Variants in KCNH5 observed in about 807,000 individuals in gnomAD.
KCNH5 encodes the protein potassium voltage-gated channel subfamily H member 5.
KCNH5 carries 46 observed loss-of-function variants against 96.1 expected under a neutral mutation model. The observed-to-expected ratio is 0.48, with a 90% CI of 0.38 to 0.61. The LOEUF is 0.61. Among genes scored for constraint, KCNH5 ranks in the 20% least tolerant of loss-of-function variants. KCNH5 has a pLI of 0.00. For missense variants in KCNH5, 907 were observed against 1,225.8 expected (o/e 0.74, Z 3.88); for synonymous variants, 439 against 449.8 (o/e 0.98, Z 0.30).
intron 7 of KCNH5, among the ~76,000 whole-genome samples, chr14:62,878,446 AT>A (rs1169089024): frequency 2.0e-5 from 3 of 152,186 alleles, no homozygotes; most frequent in Non-Finnish European, 4.4e-5. Context: ...ATCACAAAAT[AT>A]TTTTTTAAAT....
intron 2 of KCNH5, among the ~76,000 whole-genome samples, chr14:63,015,138 G>C (rs1001414978): frequency 1.2e-4 from 18 of 152,066 alleles, no homozygotes; most frequent in African/African-American, 4.3e-4. Flanking sequence ...AGGATGGCTA[G>C]AGGAGCATAG....
chr14:62,883,484 TC>T (rs1888533441), intron 7 of KCNH5, among the ~76,000 whole-genome samples: 4 of 152,124 alleles, frequency 2.6e-5, no homozygotes, highest in Admixed American at 2.6e-4. Context: ...AGATCAAAAT[TC>T]CAGGACACTT....
chr14:63,004,576 G>C (rs575676792), intron 3 of KCNH5, among the ~76,000 whole-genome samples: 16 of 152,284 alleles, frequency 1.1e-4, no homozygotes, highest in African/African-American at 3.1e-4. Context: ...ATGATTTAAA[G>C]TAAATAAACA....
At chr14:62,969,881 G>T (rs892632556) in intron 6 of KCNH5, among the ~76,000 whole-genome samples, 1 of 149,112 alleles carries the variant, frequency 6.7e-6, no homozygotes, top group Non-Finnish European at 1.5e-5. Flanking sequence ...GGGCAACGCG[G>T]TGAAACCCTG....
chr14:63,038,143 T>A (rs1034170812), intron 1 of KCNH5, among the ~76,000 whole-genome samples: 3 of 152,218 alleles, frequency 2.0e-5, no homozygotes, highest in African/African-American at 4.8e-5. Flanking sequence ...TAGTTTAAAC[T>A]ATGTAATTAC....
chr14:62,889,760 A>G (rs1349990233), intron 7 of KCNH5, among the ~76,000 whole-genome samples: 1 of 152,252 alleles, frequency 6.6e-6, no homozygotes, highest in African/African-American at 2.4e-5. Context: ...TCTGTATGGT[A>G]ATAAATTATC....
Position 62,733,009 on chromosome 14 carries a change from T to C in KCNH5, c.2020-24554A>G, listed in dbSNP as rs545335262. Reference sequence around the variant, plus strand: ...ATCTCTTTAGGATAATAAATGATAGTGGTGTGCTATAATTAGCCCATGCAT... The same window carrying C: ...ATCTCTTTAGGATAATAAATGATAGCGGTGTGCTATAATTAGCCCATGCAT... On this transcript the variant is annotated intron_variant, in intron 10 of 10. Coordinates refer to ENST00000322893, the MANE Select transcript of KCNH5 (RefSeq NM_139318.5). 3.1e-4 allele frequency among the ~76,000 whole-genome samples: 47 copies of C among 152,054 alleles called. 1 individual carries two copies. The South Asian group carries it at 9.8e-3, about 32-fold the overall frequency.
chr14:62,976,321 T>C (rs1329965787), intron 6 of KCNH5, among the ~76,000 whole-genome samples: 1 of 148,522 alleles, frequency 6.7e-6, no homozygotes, highest in Admixed American at 6.8e-5. Flanking sequence ...GAGAATGGCG[T>C]GAACCCAGGA....
At chr14:62,857,643 G>A (rs192749291) in intron 7 of KCNH5, among the ~76,000 whole-genome samples, 8 of 152,262 alleles carry the variant, frequency 5.3e-5, no homozygotes, top group Admixed American at 4.6e-4. Context: ...TGCAGGCTGG[G>A]AGGCTAGGCC....
chr14:62,850,272 AG>A (rs1202066895), intron 7 of KCNH5, among the ~76,000 whole-genome samples: 1 of 152,214 alleles, frequency 6.6e-6, no homozygotes, highest in Non-Finnish European at 1.5e-5. Flanking sequence ...GATCCAGTTT[AG>A]AAACATATGC....
chr14:62,797,709 C>A (rs1886568447), intron 9 of KCNH5, among the ~76,000 whole-genome samples: 1 of 150,730 alleles, frequency 6.6e-6, no homozygotes, highest in African/African-American at 2.4e-5. Context: ...TGATAATGCA[C>A]ACGTTTATAA....
chr14:62,821,548 A>C (rs1486931414), intron 8 of KCNH5, among the ~76,000 whole-genome samples: 1 of 152,100 alleles, frequency 6.6e-6, no homozygotes, highest in Non-Finnish European at 1.5e-5. Flanking sequence ...TGCTCACATT[A>C]TTTAAAGGGG....
intron 7 of KCNH5, among the ~76,000 whole-genome samples, chr14:62,905,968 T>C (rs1410724383): frequency 6.6e-6 from 1 of 152,154 alleles, no homozygotes; most frequent in Non-Finnish European, 1.5e-5. Context: ...AACTCTCCCA[T>C]AGGTTTGAAA....
chr14:62,993,158 G>A (rs756596032), intron 4 of KCNH5, among the ~76,000 whole-genome samples: 1 of 151,958 alleles, frequency 6.6e-6, no homozygotes, highest in African/African-American at 2.4e-5. Flanking sequence ...TATCTATTCT[G>A]TTCTATTAAT....
At chr14:62,970,226 T>C (rs549603268) in intron 6 of KCNH5, among the ~76,000 whole-genome samples, 6 of 152,092 alleles carry the variant, frequency 3.9e-5, no homozygotes, top group Non-Finnish European at 8.8e-5. Flanking sequence ...CCCACAGATT[T>C]GATAAATCTG....
intron 10 of KCNH5, among the ~76,000 whole-genome samples, chr14:62,720,393 G>C (rs118119577): frequency 6.0e-5 from 7 of 116,472 alleles, no homozygotes; most frequent in African/African-American, 1.6e-4. Flanking sequence ...CTAATTAAGA[G>C]ACTTTTTGAC....
At chr14:62,824,497 C>CT (rs894697412) in intron 8 of KCNH5, among the ~76,000 whole-genome samples, 54 of 150,882 alleles carry the variant, frequency 3.6e-4, no homozygotes, top group Admixed American at 6.6e-4. Flanking sequence ...TCAAAAAACG[C>CT]TTTTTTTTTA....
chr14:62,830,284 C>T (rs945568273), intron 8 of KCNH5, among the ~76,000 whole-genome samples: 2 of 152,160 alleles, frequency 1.3e-5, no homozygotes, highest in African/African-American at 4.8e-5. Flanking sequence ...CTATTCCAAC[C>T]TCTGCCCATT....
At chr14:62,992,473 T>G (rs1195681767) in intron 4 of KCNH5, among the ~76,000 whole-genome samples, 1 of 152,048 alleles carries the variant, frequency 6.6e-6, no homozygotes, top group African/African-American at 2.4e-5. Flanking sequence ...TTTCTCCACA[T>G]CCTTACCAAC....
Sources: allele counts gnomAD v4.1 joint callset (sites outside exome capture counted in the v4.1 genomes callset), GRCh38; gene constraint gnomAD v4.1.1; transcripts MANE v1.5; gene names NCBI Gene and HGNC (gene_info 2026-07-23, HGNC 2026-07-21).